The following LHFPL2 variants were observed in gnomAD, a reference collection of about 807,000 sequenced individuals.
LHFPL2 encodes LHFPL tetraspan subfamily member 2, also known as LHFPL tetraspan subfamily member 2 protein.
LHFPL2 carries 7 observed loss-of-function variants against 17.5 expected under a neutral mutation model. The ratio of observed to expected loss-of-function variants is 0.40; its 90% confidence interval spans 0.23 to 0.75. The LOEUF is 0.75. Ranked by LOEUF, LHFPL2 falls within the 30% of genes least tolerant of loss-of-function variation. The probability of loss-of-function intolerance (pLI) is 0.37; values close to 1 mark genes in which losing one functional copy is unlikely to be tolerated. For missense variants in LHFPL2, 241 were observed against 294.8 expected (o/e 0.82, Z 1.34); for synonymous variants, 134 against 116.2 (o/e 1.15, Z -0.99).
intron 4 of LHFPL2, chr5:78,491,343 G>C (rs563505735): frequency 6.6e-6 from 1 of 152,424 alleles, no homozygotes. Flanking sequence ...GCAATGAGTT[G>C]TAGCAAGGAA....
intron 2 of LHFPL2, among the ~76,000 whole-genome samples, chr5:78,606,874 AC>A (rs1241383305): frequency 6.6e-6 from 1 of 151,944 alleles, no homozygotes; most frequent in Non-Finnish European, 1.5e-5. Context: ...ACGGGGTTTC[AC>A]CATGTTGGCC....
chr5:78,566,286 A>C (rs1178679313), intron 2 of LHFPL2, among the ~76,000 whole-genome samples: 2 of 152,234 alleles, frequency 1.3e-5, no homozygotes, highest in Non-Finnish European at 2.9e-5. Context: ...GTGTTAATCC[A>C]AAGTGTACCT....
chr5:78,597,919 A>G (rs1263769681), intron 2 of LHFPL2, among the ~76,000 whole-genome samples: 1 of 152,208 alleles, frequency 6.6e-6, no homozygotes, highest in Non-Finnish European at 1.5e-5. Flanking sequence ...CTTCCCAAAC[A>G]TTATAAATCC....
chr5:78,638,775 G>A (rs1284821994), intron 1 of LHFPL2, among the ~76,000 whole-genome samples: 2 of 152,160 alleles, frequency 1.3e-5, no homozygotes, highest in Admixed American at 6.5e-5. Flanking sequence ...ATGACTTGTG[G>A]CCCAGAGGGA....
chr5:78,620,869 A>T (rs1050168273), intron 2 of LHFPL2, among the ~76,000 whole-genome samples: 2 of 152,102 alleles, frequency 1.3e-5, no homozygotes, highest in African/African-American at 4.8e-5. Context: ...TGTACAGTTT[A>T]ATTTTTATGA....
chr5:78,631,956 A>G, intron 2 of LHFPL2, among the ~76,000 whole-genome samples: 1 of 151,974 alleles, frequency 6.6e-6, no homozygotes, highest in African/African-American at 2.4e-5. Context: ...AAAAAGAAAA[A>G]AGAAAAAAAG....
At chr5:78,535,319 C>T (rs576019053) in intron 3 of LHFPL2, among the ~76,000 whole-genome samples, 6 of 152,304 alleles carry the variant, frequency 3.9e-5, no homozygotes, top group South Asian at 4.1e-4. Flanking sequence ...AGGACAGACA[C>T]AGACACTGAC....
chr5:78,564,175 T>C lies in LHFPL2; in HGVS notation c.-186+638A>G, dbSNP rs562847126. On this transcript the variant is annotated intron_variant, in intron 3 of 4. Coordinates refer to ENST00000380345, the MANE Select transcript of LHFPL2 (RefSeq NM_005779.3). ...GACCTGGCTGAATAGGCTTCTCCCT[T>C]GGGAGAAGCAGGGCTGGATCAAAGT... Among the ~76,000 whole-genome samples, 439 of 152,224 alleles carry C rather than the reference T, an allele frequency of 2.9e-3. 3 individuals carry two copies. Among genetic ancestry groups the C allele is most frequent in the African/African-American group, 0.01 (421 of 41,538 alleles).
intron 4 of LHFPL2, among the ~76,000 whole-genome samples, chr5:78,499,911 A>G (rs1352692028): frequency 1.3e-5 from 2 of 152,180 alleles, no homozygotes; most frequent in African/African-American, 4.8e-5. Context: ...AAAGAAGCCT[A>G]ATGAACAGGT....
intron 2 of LHFPL2, among the ~76,000 whole-genome samples, chr5:78,582,217 T>G (rs1163491944): frequency 6.6e-6 from 1 of 152,242 alleles, no homozygotes; most frequent in African/African-American, 2.4e-5. Context: ...TCAATTTTGT[T>G]GATCCTTTCA....
At chr5:78,599,780 C>G (rs1362063810) in intron 2 of LHFPL2, among the ~76,000 whole-genome samples, 1 of 152,170 alleles carries the variant, frequency 6.6e-6, no homozygotes, top group Non-Finnish European at 1.5e-5. Flanking sequence ...TGGGAGACAG[C>G]CTTCAGCATG....
intron 2 of LHFPL2, among the ~76,000 whole-genome samples, chr5:78,567,879 T>G (rs1292334791): frequency 6.6e-6 from 1 of 152,198 alleles, no homozygotes; most frequent in African/African-American, 2.4e-5. Context: ...GGCACACAGC[T>G]AGTCAGTAAC....
intron 1 of LHFPL2, among the ~76,000 whole-genome samples, chr5:78,638,729 G>A (rs1395758238): frequency 6.6e-6 from 1 of 152,168 alleles, no homozygotes; most frequent in Non-Finnish European, 1.5e-5. Flanking sequence ...ATGACTCAAA[G>A]AACCTGAGTG....
intron 3 of LHFPL2, among the ~76,000 whole-genome samples, chr5:78,560,380 T>C (rs909294811): frequency 3.3e-5 from 5 of 152,222 alleles, no homozygotes; most frequent in African/African-American, 1.2e-4. Context: ...TCTGGTACCA[T>C]GGTAAGAAGA....
At chr5:78,531,584 T>C (rs1245662227) in intron 3 of LHFPL2, among the ~76,000 whole-genome samples, 1 of 152,142 alleles carries the variant, frequency 6.6e-6, no homozygotes, top group Admixed American at 6.6e-5. Flanking sequence ...CCCCCTTAAA[T>C]TATGCACCAA....
intron 3 of LHFPL2, among the ~76,000 whole-genome samples, chr5:78,524,687 A>T (rs1289084526): frequency 6.7e-6 from 1 of 149,880 alleles, no homozygotes; most frequent in African/African-American, 2.5e-5. Flanking sequence ...GTTTGCAGTG[A>T]GCCAAGATTG....
At chr5:78,601,813 G>C (rs1282105827) in intron 2 of LHFPL2, among the ~76,000 whole-genome samples, 1 of 152,160 alleles carries the variant, frequency 6.6e-6, no homozygotes, top group Non-Finnish European at 1.5e-5. Flanking sequence ...CTCTTCATGG[G>C]AAAGTCATTT....
chr5:78,562,647 A>G (rs1010212398), intron 3 of LHFPL2, among the ~76,000 whole-genome samples: 22 of 152,022 alleles, frequency 1.4e-4, no homozygotes, highest in South Asian at 8.3e-4. Context: ...AAAAAAAAAA[A>G]AAAGAAAGAA....
chr5:78,516,779 G>A (rs1217706766), intron 3 of LHFPL2, among the ~76,000 whole-genome samples: 1 of 152,204 alleles, frequency 6.6e-6, no homozygotes, highest in African/African-American at 2.4e-5. Context: ...TGGGGCCCCC[G>A]AAGCCAGGGC....
Sources: allele counts gnomAD v4.1 joint callset (sites outside exome capture counted in the v4.1 genomes callset), GRCh38; gene constraint gnomAD v4.1.1; transcripts MANE v1.5; gene names NCBI Gene and HGNC (gene_info 2026-07-23, HGNC 2026-07-21).